The following SRSF5 variants were observed in gnomAD, a reference collection of about 807,000 sequenced individuals.
SRSF5 encodes serine and arginine rich splicing factor 5.
A neutral mutation model predicts 34.0 loss-of-function variants in SRSF5; 5 were observed. The observed-to-expected ratio is 0.15, with a 90% confidence interval of 0.08 to 0.31. SRSF5 has a LOEUF of 0.31. Among genes scored for constraint, SRSF5 ranks in the 10% least tolerant of loss-of-function variants. The pLI is 1.00. For synonymous variants in SRSF5, 164 were observed against 117.7 expected (o/e 1.39, Z -2.55); for missense variants, 223 against 351.4 (o/e 0.63, Z 2.92).
At chr14:69,769,418 TA>T in intron 5 of SRSF5, 167 bp downstream of exon 5, 1 of 1,520,806 alleles carries the variant, frequency 6.6e-7, no homozygotes, top group Non-Finnish European at 8.8e-7. Context: ...TTTTGAACTT[TA>T]ATATTAGTGA....
intron 5 of SRSF5, 185 bp from the exon 6 acceptor site, chr14:69,770,282 A>G (rs1287396325): frequency 2.9e-6 from 4 of 1,393,648 alleles, no homozygotes; most frequent in Non-Finnish European, 3.7e-6. Flanking sequence ...GCAATATGCT[A>G]TTTGCTTATT....
rs757484947 is a variant in SRSF5 at position 69,771,261 on chromosome 14, C to T, written c.619C>T (p.Arg207Cys). ...SSRSRSRSRSRSRKSYSRSRS... is the reference protein window; with the variant it reads ...SSRSRSRSRSCSRKSYSRSRS... The stretch of plus-strand genomic sequence containing the variant: ...TAGGTCTCGTAGCCGATCCCGTTCC[C>T]GTAGTCGCAAATCTTACAGCCGGTC... Residue 207 changes from arginine to cysteine, a missense_variant, in exon 8 of 8, where the codon CGT becomes TGT. Physicochemically the swap from Arg to Cys is radical, Grantham distance 180 (BLOSUM62 -3). Around this residue, in one of 4 missense-constraint regions of SRSF5, gnomAD observed 115 missense variants for 119.7 expected, o/e 0.96. Transcript: ENST00000557154. 1.8e-5 allele frequency: 29 copies of T among 1,613,946 alleles called. No individual in the cohort carries two copies. Among genetic ancestry groups the T allele is most frequent in the Admixed American group, 5.0e-5 (3 of 59,978 alleles).
At position 69,771,324 on chromosome 14, in the gene SRSF5, C is replaced by A. The variant is rs751597035; in HGVS notation, c.682C>A (p.Arg228Ser). 61 of 1,614,006 alleles carry A rather than the reference C, an allele frequency of 3.8e-5. No individual in the cohort carries two copies. Among genetic ancestry groups the A allele is most frequent in the Non-Finnish European group, 4.7e-5 (56 of 1,180,038 alleles). Residue 228 changes from arginine (R) to serine (S), a missense_variant, in exon 8 of 8, where the codon CGT becomes AGT. Transcript: ENST00000557154. ...RSRSRSRSKSRSVSRSPVPEK... is the reference protein window; with the variant it reads ...RSRSRSRSKSSSVSRSPVPEK... Reference sequence around the variant, plus strand: ...CAGGAGCCGGAGCCGGAGCAAGTCCCGTTCTGTTAGTAGGTCTCCCGTGCC... The same window carrying A: ...CAGGAGCCGGAGCCGGAGCAAGTCCAGTTCTGTTAGTAGGTCTCCCGTGCC...
chr14:69,767,751 TC>T (rs1882688259), intron 1 of SRSF5: 1 of 355,326 alleles, frequency 2.8e-6, no homozygotes, highest in South Asian at 2.1e-5. Context: ...GATTCTGGCT[TC>T]CACCCGCTGT....
At position 69,768,905 on chromosome 14, in the gene SRSF5, A is replaced by AG; in HGVS notation, c.296+12dup. On this transcript the variant is annotated intron_variant, in intron 4 of 7. Coordinates refer to ENST00000557154, the MANE Select transcript of SRSF5 (RefSeq NM_001320214.2). The stretch of plus-strand genomic sequence containing the variant: ...CCTCGAAATGATAGACGGTATGTGA[A>AG]GGGTGGATGGCTGCATTGAACAATT... 1 of 1,611,982 alleles carries AG rather than the reference A, an allele frequency of 6.2e-7. No individual in the cohort carries two copies. Among genetic ancestry groups the AG allele is most frequent in the Non-Finnish European group, 8.5e-7 (1 of 1,178,044 alleles).
At position 69,769,270 on chromosome 14, in the gene SRSF5, T is replaced by C; in HGVS notation, c.366+19T>C. On this transcript the variant is annotated intron_variant, in intron 5 of 7. Transcript: ENST00000557154. ...CTGGCAGGTTTGTTGAAATACAGTTTTGAGTTATTTTGATGTGGCTTTTTA... is the reference window on the plus strand; with the variant it reads ...CTGGCAGGTTTGTTGAAATACAGTTCTGAGTTATTTTGATGTGGCTTTTTA... The C allele has an allele frequency of 1.2e-6, 2 of 1,613,406 alleles. No individual in the cohort carries two copies. Among genetic ancestry groups the C allele is most frequent in the Non-Finnish European group, 1.7e-6 (2 of 1,179,594 alleles).
intron 5 of SRSF5, 55 bp downstream of exon 5, chr14:69,769,306 T>C: frequency 6.2e-7 from 1 of 1,607,116 alleles, no homozygotes; most frequent in East Asian, 2.2e-5. Flanking sequence ...AAAAAGTTAA[T>C]GGGTAGCTAA....
intron 1 of SRSF5, 37 bp downstream of exon 1, chr14:69,767,292 C>T (rs1385631050): frequency 7.3e-6 from 3 of 413,310 alleles, no homozygotes; most frequent in African/African-American, 4.2e-5. Context: ...CTTCTCGGAT[C>T]GAGGCTTCTT....
At chr14:69,767,496 C>T in intron 1 of SRSF5, 1 of 456,016 alleles carries the variant, frequency 2.2e-6, no homozygotes, top group South Asian at 1.5e-5. Flanking sequence ...CCCTGCCAGT[C>T]TTAATGTCTT....
chr14:69,768,735 A>T, intron 3 of SRSF5, 61 bp downstream of exon 3: 1 of 1,611,298 alleles, frequency 6.2e-7, no homozygotes, highest in Non-Finnish European at 8.5e-7. Flanking sequence ...CTGCTGGCAT[A>T]TTTTTCTAAG....
At chr14:69,767,822 G>A (rs1882704596) in intron 1 of SRSF5, 10 of 361,404 alleles carry the variant, frequency 2.8e-5, no homozygotes, top group South Asian at 2.1e-4. Flanking sequence ...GGCTCCGCCC[G>A]CACTTCTCGG....
Position 69,768,588 on chromosome 14 carries a change from T to A in SRSF5, c.127-16T>A. The A allele has an allele frequency of 6.2e-7, 1 of 1,613,290 alleles. No homozygotes were observed. Among genetic ancestry groups the A allele is most frequent in the Non-Finnish European group, 8.5e-7 (1 of 1,179,192 alleles). ...CTTCTAAAGCCAATGTTAAGAGTCT[T>A]ATGCTTACATTTTAGGAATTTGAGG... On this transcript the variant is annotated splice_polypyrimidine_tract_variant and intron_variant, in intron 2 of 7. Coordinates refer to ENST00000557154, the MANE Select transcript of SRSF5 (RefSeq NM_001320214.2).
rs949124110 is a variant in SRSF5 at position 69,770,987 on chromosome 14, C to G, written c.441-8C>G. ...ATATACTTTAAAAGTGGCTGTTTTC[C>G]ATTTTAGGGTGGTTGAGTTTGCCTC... On this transcript the variant is annotated splice_polypyrimidine_tract_variant and splice_region_variant and intron_variant, in intron 6 of 7. Coordinates refer to ENST00000557154, the MANE Select transcript of SRSF5 (RefSeq NM_001320214.2). 13 of 1,607,696 alleles carry G rather than the reference C, an allele frequency of 8.1e-6. No homozygotes were observed. The highest frequency in any genetic ancestry group is 1.1e-5 in the Non-Finnish European group (13 of 1,177,898).
chr14:69,767,971 T>G (rs1882735328), intron 1 of SRSF5, 167 bp from the exon 2 acceptor site: 2 of 689,856 alleles, frequency 2.9e-6, no homozygotes, highest in Non-Finnish European at 4.7e-6. Flanking sequence ...GGAGCTGGGT[T>G]TTCATTTTGT....
intron 5 of SRSF5, chr14:69,770,031 A>C (rs1167861729): frequency 1.4e-5 from 14 of 1,021,594 alleles, no homozygotes; most frequent in Non-Finnish European, 1.5e-5. Flanking sequence ...GCCTAGGGAA[A>C]TAATAATAAA....
chr14:69,768,559 T>C (rs1882818695), intron 2 of SRSF5, 45 bp from the exon 3 acceptor site: 10 of 1,562,480 alleles, frequency 6.4e-6, no homozygotes, highest in Non-Finnish European at 8.8e-6. Flanking sequence ...TGTTGTAGAA[T>C]ACTCTTCTAA....
chr14:69,770,627 G>T, intron 6 of SRSF5, 87 bp downstream of exon 6: 1 of 1,220,590 alleles, frequency 8.2e-7, no homozygotes, highest in Non-Finnish European at 1.2e-6. Flanking sequence ...ATTTGAATAT[G>T]TTAGAATGCA....
rs1883207059 is a variant in SRSF5, at chr14:69,771,500, A to G, written c.*39A>G. On this transcript the variant is annotated 3_prime_UTR_variant, in exon 8 of 8. Transcript: ENST00000557154. ...TGCCCTGGGGGCCTTTTTTTAAAAA[A>G]CAAAAACCACAAAAATTCCCAAACC... 1.3e-6 allele frequency: 2 copies of G among 1,582,528 alleles called. No individual in the cohort carries two copies. Among genetic ancestry groups the G allele is most frequent in the African/African-American group, 2.7e-5 (2 of 73,240 alleles).
chr14:69,769,166 G>T lies in SRSF5; in HGVS notation c.297-16G>T, dbSNP rs752025363. 6.2e-7 allele frequency: 1 copy of T among 1,614,046 alleles called. No homozygotes were observed. Among genetic ancestry groups the T allele is most frequent in the Non-Finnish European group, 8.5e-7 (1 of 1,179,946 alleles). On this transcript the variant is annotated splice_polypyrimidine_tract_variant and intron_variant, in intron 4 of 7. Coordinates refer to ENST00000557154, the MANE Select transcript of SRSF5 (RefSeq NM_001320214.2). ...ATTGCATTTCTTCCATTGTGAATAC[G>T]AATTTTCTTCCTCAGAAATGCTCCA...
Sources: gnomAD v4.1 joint callset for allele counts on GRCh38, gnomAD v4.1.1 for gene constraint, gnomAD v4.1.1 regional missense constraint, MANE v1.5 for transcripts, NCBI Gene and HGNC (gene_info 2026-07-23, HGNC 2026-07-21) for gene names.